The following IL1RAPL2 variants were observed in gnomAD, a reference collection of about 807,000 sequenced individuals.
The protein encoded by IL1RAPL2 is interleukin 1 receptor accessory protein like 2.
A neutral mutation model predicts 44.1 loss-of-function variants in IL1RAPL2; 3 were observed. The ratio of observed to expected loss-of-function variants is 0.07; its 90% CI spans 0.03 to 0.18. The LOEUF (loss-of-function observed/expected upper bound fraction) is 0.18, where lower values mean the gene tolerates loss of function less well. Among genes scored for constraint, IL1RAPL2 ranks in the 10% least tolerant of loss-of-function variants. The pLI, the probability that IL1RAPL2 is intolerant of heterozygous loss-of-function variation, is 1.00. For missense variants in IL1RAPL2, 391 were observed against 496.4 expected, an observed-to-expected ratio of 0.79 and a Z score of 2.02; for synonymous variants, 181 against 178.8, an observed-to-expected ratio of 1.01 and a Z score of -0.10.
chrX:105,670,756 A>T (rs1354781989), intron 6 of IL1RAPL2, among the ~76,000 whole-genome samples: 1 of 109,248 alleles, frequency 9.2e-6, no homozygotes, highest in African/African-American at 3.3e-5. Flanking sequence ...TTTATGATTC[A>T]TTTATTCAGT....
chrX:105,152,076 A>C (rs182847004), intron 2 of IL1RAPL2, among the ~76,000 whole-genome samples: 20 of 110,742 alleles, frequency 1.8e-4, no homozygotes, highest in African/African-American at 6.6e-4. Flanking sequence ...GGGTACACCA[A>C]ATTCTCACAA....
chrX:104,603,116 G>A (rs1246773817), intron 1 of IL1RAPL2, among the ~76,000 whole-genome samples: 1 of 111,554 alleles, frequency 9.0e-6, no homozygotes, highest in Non-Finnish European at 1.9e-5. Context: ...CTGGGAGGAA[G>A]CTTCCAGAGG....
chrX:104,709,887 A>G (rs745390269), intron 2 of IL1RAPL2, among the ~76,000 whole-genome samples: 2 of 111,068 alleles, frequency 1.8e-5, no homozygotes, highest in South Asian at 7.5e-4. Flanking sequence ...AATCCTGTAA[A>G]AAGATGCTCA....
At chrX:104,644,610 C>T (rs979941301) in intron 1 of IL1RAPL2, among the ~76,000 whole-genome samples, 16 of 110,622 alleles carry the variant, frequency 1.4e-4, no homozygotes, top group African/African-American at 2.6e-4. Context: ...TCTTTCTTTT[C>T]GACCATTCCC....
intron 1 of IL1RAPL2, among the ~76,000 whole-genome samples, chrX:104,625,260 C>G (rs762088513): frequency 2.7e-5 from 3 of 111,116 alleles, no homozygotes; most frequent in Non-Finnish European, 3.8e-5. Flanking sequence ...CTTATTTAAA[C>G]AATTTCTTTT....
chrX:104,690,139 T>C (rs575268919), intron 2 of IL1RAPL2, among the ~76,000 whole-genome samples: 3 of 112,456 alleles, frequency 2.7e-5, no homozygotes, highest in African/African-American at 6.4e-5. Context: ...ATAGGAAGAA[T>C]TGACTTATAA....
chrX:104,669,619 A>G (rs1238088726), intron 2 of IL1RAPL2, among the ~76,000 whole-genome samples: 1 of 111,385 alleles, frequency 9.0e-6, no homozygotes, highest in Admixed American at 9.6e-5. Context: ...TTACTGATTT[A>G]TTTGGGCTGG....
chrX:105,574,221 C>T (rs1460263181), intron 6 of IL1RAPL2, among the ~76,000 whole-genome samples: 1 of 111,808 alleles, frequency 8.9e-6, no homozygotes, highest in African/African-American at 3.3e-5. Flanking sequence ...GCAAAGGAAA[C>T]AGTAAATATA....
At chrX:104,635,807 A>C (rs1929788333) in intron 1 of IL1RAPL2, among the ~76,000 whole-genome samples, 1 of 110,899 alleles carries the variant, frequency 9.0e-6, no homozygotes, top group African/African-American at 3.3e-5. Flanking sequence ...TTTAGCTCGG[A>C]GTAGTTTGAT....
intron 5 of IL1RAPL2, among the ~76,000 whole-genome samples, chrX:105,433,616 T>C (rs2035862516): frequency 9.0e-6 from 1 of 111,515 alleles, no homozygotes; most frequent in African/African-American, 3.3e-5. Flanking sequence ...ACAGTGTCAT[T>C]AGGCTTTGAA....
intron 2 of IL1RAPL2, among the ~76,000 whole-genome samples, chrX:105,030,074 C>A (rs1030965398): frequency 3.6e-5 from 4 of 111,480 alleles, no homozygotes; most frequent in Non-Finnish European, 7.5e-5. Context: ...CTGTTCATAT[C>A]CTTCGCCCAC....
intron 6 of IL1RAPL2, among the ~76,000 whole-genome samples, chrX:105,501,365 TG>T (rs2147782329): frequency 8.9e-6 from 1 of 111,741 alleles, no homozygotes; most frequent in Non-Finnish European, 1.9e-5. Context: ...GGCTCATGCC[TG>T]TAATCCTAGC....
intron 2 of IL1RAPL2, among the ~76,000 whole-genome samples, chrX:104,909,368 T>A: frequency 8.9e-6 from 1 of 112,384 alleles, no homozygotes; most frequent in Non-Finnish European, 1.9e-5. Context: ...TCTGTCCAGC[T>A]TTGTTCCGTT....
intron 2 of IL1RAPL2, among the ~76,000 whole-genome samples, chrX:104,698,615 T>C (rs1931218805): frequency 8.9e-6 from 1 of 112,097 alleles, no homozygotes; most frequent in Non-Finnish European, 1.9e-5. Context: ...TCAATCATAA[T>C]GGTTGGGAGG....
At chrX:105,162,961 T>C (rs2033339647) in intron 2 of IL1RAPL2, among the ~76,000 whole-genome samples, 1 of 111,530 alleles carries the variant, frequency 9.0e-6, no homozygotes, top group African/African-American at 3.3e-5. Flanking sequence ...TTTTAAAATA[T>C]GAATTTTGGA....
chrX:105,226,794 T>G (rs2034020191), intron 3 of IL1RAPL2, among the ~76,000 whole-genome samples: 1 of 109,755 alleles, frequency 9.1e-6, no homozygotes, highest in South Asian at 4.0e-4. Context: ...AAAACTGAGA[T>G]TTAGTCACCC....
intron 6 of IL1RAPL2, among the ~76,000 whole-genome samples, chrX:105,540,308 C>T (rs1034331676): frequency 3.6e-5 from 4 of 111,372 alleles, no homozygotes; most frequent in African/African-American, 6.5e-5. Context: ...AACAGTGGAT[C>T]GAATAAATAA....
chrX:105,182,086 GA>G (rs1302413204), intron 2 of IL1RAPL2, among the ~76,000 whole-genome samples: 10 of 108,178 alleles, frequency 9.2e-5, no homozygotes, highest in African/African-American at 2.4e-4. Flanking sequence ...AAAGAAAAAA[GA>G]AAAAAAGAAT....
At chrX:104,980,464 A>G (rs919399374) in intron 2 of IL1RAPL2, among the ~76,000 whole-genome samples, 2 of 111,954 alleles carry the variant, frequency 1.8e-5, no homozygotes, top group African/African-American at 6.5e-5. Flanking sequence ...TTTAACTCCA[A>G]CTTACCTTTG....
Sources: allele counts gnomAD v4.1 joint callset (sites outside exome capture counted in the v4.1 genomes callset), GRCh38; gene constraint gnomAD v4.1.1; transcripts MANE v1.5; gene names NCBI Gene and HGNC (gene_info 2026-07-23, HGNC 2026-07-21).